The following AFDN variants were observed in gnomAD, a reference collection of about 807,000 sequenced individuals.
AFDN encodes the protein afadin, adherens junction formation factor, also known as afadin.
AFDN carries 68 observed loss-of-function variants against 216.6 expected under a neutral mutation model. The observed-to-expected ratio is 0.31, with a 90% CI of 0.26 to 0.38. The LOEUF (loss-of-function observed/expected upper bound fraction) is 0.38. Among genes scored for constraint, AFDN ranks in the 10% least tolerant of loss-of-function variants. AFDN has a pLI of 1.00. For synonymous variants in AFDN, 868 were observed against 853.7 expected (o/e 1.02, Z -0.29); for missense variants, 2,136 against 2,342.0 (o/e 0.91, Z 1.82).
intron 30 of AFDN, among the ~76,000 whole-genome samples, chr6:167,960,046 TACTG>T (rs1255621674): frequency 1.3e-5 from 2 of 152,252 alleles, no homozygotes; most frequent in African/African-American, 4.8e-5. Flanking sequence ...CTTTAAGTGT[TACTG>T]AATGTGAGTA....
At chr6:167,859,410 G>A (rs1783282685) in intron 1 of AFDN, among the ~76,000 whole-genome samples, 1 of 152,186 alleles carries the variant, frequency 6.6e-6, no homozygotes, top group Non-Finnish European at 1.5e-5. Context: ...AATTGGTTGT[G>A]TGCATGTGTA....
At position 167,962,286 on chromosome 6, in the gene AFDN, C is replaced by T; in HGVS notation, c.4834-147C>T. 16 of 1,182,088 alleles carry T rather than the reference C, an allele frequency of 1.4e-5. No homozygotes were observed. The highest frequency in any genetic ancestry group is 8.0e-5 in the East Asian group (3 of 37,520). 73.2% of individuals were successfully genotyped at this position (1,182,088 alleles called of 1,614,324 possible). ...AAAAATTGTAAAAAGTTTTATTTTCCAACAGTGATTTTAACCTGGTATTTT... is the reference window on the plus strand; with the variant it reads ...AAAAATTGTAAAAAGTTTTATTTTCTAACAGTGATTTTAACCTGGTATTTT... On this transcript the variant is annotated intron_variant, in intron 30 of 33. Transcript: ENST00000683244. The surrounding 1 kb of genome is among the most constrained non-coding windows in gnomAD (Gnocchi z 5.2).
intron 21 of AFDN, among the ~76,000 whole-genome samples, chr6:167,921,913 A>G (rs1298718883): frequency 6.6e-6 from 1 of 152,198 alleles, no homozygotes; most frequent in Admixed American, 6.5e-5. Flanking sequence ...GTCCACAAAT[A>G]ACGGTCAGAA....
chr6:167,945,550 C>T (rs539895573), intron 26 of AFDN, among the ~76,000 whole-genome samples: 3 of 152,178 alleles, frequency 2.0e-5, no homozygotes, highest in Non-Finnish European at 4.4e-5. Flanking sequence ...TTGTATACAG[C>T]TAGCAGTGCA....
chr6:167,893,745 T>G, intron 8 of AFDN, 117 bp from the exon 9 acceptor site: 2 of 761,670 alleles, frequency 2.6e-6, no homozygotes, highest in Non-Finnish European at 4.6e-6. Context: ...GAAACGTGTC[T>G]CACTGAAGTT....
At chr6:167,949,508 C>T (rs928109801) in intron 29 of AFDN, among the ~76,000 whole-genome samples, 6 of 152,140 alleles carry the variant, frequency 3.9e-5, no homozygotes, top group African/African-American at 1.4e-4. Flanking sequence ...TCATCTTGGC[C>T]TTTTGTCTGG....
At chr6:167,883,007 G>T (rs2128305467) in intron 6 of AFDN, among the ~76,000 whole-genome samples, 1 of 152,066 alleles carries the variant, frequency 6.6e-6, no homozygotes, top group East Asian at 1.9e-4. Flanking sequence ...TACGTGGATG[G>T]AATAAAGACA....
At chr6:167,827,687 T>A (rs1437721815) in intron 1 of AFDN, 6 of 151,594 alleles carry the variant, frequency 4.0e-5, no homozygotes, top group Non-Finnish European at 7.4e-5. Context: ...TGACGCGCGC[T>A]GTGCTTCGGG....
At chr6:167,924,896 C>CT (rs1792306518) in intron 22 of AFDN, 109 bp from the exon 23 acceptor site, 1 of 815,130 alleles carries the variant, frequency 1.2e-6, no homozygotes, top group Admixed American at 1.7e-5. Context: ...CATCCTTTTT[C>CT]TTTCCCCATT....
In AFDN at chr6:167,915,117, T is replaced by G. The variant is rs1489077696; in HGVS notation, c.2300-51T>G. On this transcript the variant is annotated intron_variant, in intron 18 of 33. Transcript: ENST00000683244. ...TAAATCTGCTGCACATTCAAAGGCTTCTTCCTGGATGACATTTTGCTCCTC... is the reference window on the plus strand; with the variant it reads ...TAAATCTGCTGCACATTCAAAGGCTGCTTCCTGGATGACATTTTGCTCCTC... The G allele has an allele frequency of 1.9e-6, 3 of 1,593,152 alleles. No homozygotes were observed. The African/African-American group carries it at 4.0e-5, about 21-fold the overall frequency.
chr6:167,895,535 T>C (rs556164871), intron 9 of AFDN, among the ~76,000 whole-genome samples: 1,544 of 152,312 alleles, frequency 0.01, 28 homozygotes, highest in African/African-American at 0.036. Flanking sequence ...AGTCTCATCT[T>C]ACCTTTACTC....
rs773235452 is a variant in AFDN, at chr6:167,943,122, G to T, written c.3100-7G>T. 1 of 1,612,276 alleles carries T rather than the reference G, an allele frequency of 6.2e-7. No individual in the cohort carries two copies. Among genetic ancestry groups the T allele is most frequent in the Non-Finnish European group, 8.5e-7 (1 of 1,179,222 alleles). On this transcript the variant is annotated splice_polypyrimidine_tract_variant and splice_region_variant and intron_variant, in intron 23 of 33. Transcript: ENST00000683244. The stretch of plus-strand genomic sequence containing the variant: ...AATGCAGTGTTTTCGCCTTGTTTTT[G>T]CAATAGGGTGCTGGTCAAGATAAAC...
chr6:167,889,161 T>G, intron 6 of AFDN, 54 bp from the exon 7 acceptor site: 2 of 1,193,584 alleles, frequency 1.7e-6, no homozygotes, highest in South Asian at 2.5e-5. Context: ...TTTTAAGTAC[T>G]TGTTAACTTA....
At chr6:167,968,566 G>A (rs1177287243) in intron 32 of AFDN, 1 of 155,372 alleles carries the variant, frequency 6.4e-6, no homozygotes, top group African/African-American at 2.4e-5. Context: ...ACTGCAGCCT[G>A]TATTACACTG....
chr6:167,828,096 G>T (rs571979934), intron 1 of AFDN, among the ~76,000 whole-genome samples: 78 of 152,300 alleles, frequency 5.1e-4, no homozygotes, highest in African/African-American at 1.4e-3. Context: ...TCGGTTCCGC[G>T]CTCTGTTCAT....
intron 23 of AFDN, among the ~76,000 whole-genome samples, chr6:167,933,387 C>G (rs1414712670): frequency 2.0e-5 from 3 of 152,218 alleles, no homozygotes; most frequent in Admixed American, 2.0e-4. Flanking sequence ...AACATGCCTT[C>G]TCACTGTTTA....
intron 26 of AFDN, among the ~76,000 whole-genome samples, chr6:167,945,727 T>C (rs892801985): frequency 3.3e-5 from 5 of 152,204 alleles, no homozygotes; most frequent in African/African-American, 1.2e-4. Flanking sequence ...ATGACTGTAA[T>C]TCACTTAAAC....
chr6:167,917,096 C>T lies in AFDN; in HGVS notation c.2573C>T (p.Thr858Ile). 6.2e-7 allele frequency: 1 copy of T among 1,612,284 alleles called. No individual in the cohort carries two copies. Among genetic ancestry groups the T allele is most frequent in the Non-Finnish European group, 8.5e-7 (1 of 1,179,334 alleles). The change falls in exon 20 of 34, where the codon ACT (threonine) becomes ATT (isoleucine). Residue 858 changes from threonine (T) to isoleucine (I), a missense_variant. Around this residue, in one of 8 missense-constraint regions of AFDN, gnomAD observed 162 missense variants for 182.6 expected, o/e 0.89. Transcript: ENST00000683244. ...CHLSRIVQAT[T>I]LLTMDKYAPD... Reference sequence around the variant, plus strand: ...CTTTATTCTTTTACATAGGCAACGACTTTGCTTACCATGGATAAGTATGCA... The same window carrying T: ...CTTTATTCTTTTACATAGGCAACGATTTTGCTTACCATGGATAAGTATGCA...
intron 19 of AFDN, 48 bp from the exon 20 acceptor site, chr6:167,917,041 A>G (rs1259145952): frequency 1.3e-6 from 2 of 1,534,166 alleles, no homozygotes; most frequent in Non-Finnish European, 1.8e-6. Context: ...ATATTTTTGA[A>G]ATAACTTTAC....
Sources: gnomAD v4.1 joint callset for allele counts (sites outside exome capture counted in the v4.1 genomes callset) on GRCh38, gnomAD v4.1.1 for gene constraint, gnomAD v4.1.1 regional missense constraint, Gnocchi (gnomAD v3.1) non-coding constraint, MANE v1.5 for transcripts, NCBI Gene and HGNC (gene_info 2026-07-23, HGNC 2026-07-21) for gene names.